SLC22A13: variants seen among roughly 807,000 people sequenced by gnomAD.
The protein encoded by SLC22A13 is organic anion transporter 10.
Under a neutral mutation model 49.1 loss-of-function variants are expected in SLC22A13, and 42 were observed. The ratio of observed to expected loss-of-function variants is 0.85; its 90% CI spans 0.67 to 1.11. The LOEUF is 1.11. SLC22A13 is among the 50% of genes least tolerant of loss of function. SLC22A13 has a pLI of 0.00. For synonymous variants in SLC22A13, 282 were observed against 293.1 expected, an observed-to-expected ratio of 0.96 and a Z score of 0.39; for missense variants, 694 against 712.8, an observed-to-expected ratio of 0.97 and a Z score of 0.30.
At chr3:38,272,196 G>A (rs186484851) in intron 1 of SLC22A13, among the ~76,000 whole-genome samples, 1 of 152,194 alleles carries the variant, frequency 6.6e-6, no homozygotes, top group East Asian at 1.9e-4. Flanking sequence ...TGTTGACCAG[G>A]TGTGCCAGCC....
rs1559535545 is a variant in SLC22A13 at position 38,266,030 on chromosome 3, A to G, written c.170A>G (p.Asn57Ser). The change falls in exon 1 of 10, where the codon AAC (asparagine) becomes AGC (serine). Residue 57 changes from asparagine (N) to serine (S), a missense_variant. By Grantham distance (46) the Asn-to-Ser change is conservative. Transcript: ENST00000311856. ...CACTGTGCAGTGGCTTGGGTGAAGA[A>G]CCACACTTTCAACCTGAGTGCTGCT... Reference protein sequence around the residue: ...PHHCAVAWVKNHTFNLSAAEQ... With the variant: ...PHHCAVAWVKSHTFNLSAAEQ... 1.2e-6 allele frequency: 2 copies of G among 1,614,134 alleles called. No individual in the cohort carries two copies. The highest frequency in any genetic ancestry group is 1.7e-6 in the Non-Finnish European group (2 of 1,180,028).
At position 38,276,952 on chromosome 3, in the gene SLC22A13, G is replaced by A. The variant is rs971533292; in HGVS notation, c.1387G>A (p.Gly463Arg). 8.7e-6 allele frequency: 14 copies of A among 1,613,744 alleles called. No homozygotes were observed. The Middle Eastern group carries it at 6.6e-4, about 76-fold the overall frequency. Residue 463 changes from glycine (G) to arginine (R), a missense_variant, in exon 9 of 10, where the codon GGG becomes AGG. By Grantham distance (125) the Gly-to-Arg change is moderately radical. Coordinates refer to ENST00000311856, the MANE Select transcript of SLC22A13 (RefSeq NM_004256.4). ...GCTGGTGGGCATCTTCTCACGGATC[G>A]GGGGCATCCTCACACCACTTGTGAT... ...MGLVGIFSRI[G>R]GILTPLVILL...
intron 1 of SLC22A13, chr3:38,270,683 G>A (rs1355652017): frequency 6.1e-6 from 1 of 164,352 alleles, no homozygotes; most frequent in African/African-American, 2.4e-5. Context: ...TACATTTTCA[G>A]ATGTAAATTT....
chr3:38,267,297 C>T (rs781677394), intron 1 of SLC22A13, among the ~76,000 whole-genome samples: 2 of 152,108 alleles, frequency 1.3e-5, no homozygotes, highest in Non-Finnish European at 2.9e-5. Flanking sequence ...GCCTGTCCTT[C>T]TCCCAACTCT....
At position 38,278,674 on chromosome 3, in the gene SLC22A13, G is replaced by T. The variant is rs1703613625; in HGVS notation, c.*1209G>T. 6.6e-6 allele frequency among the ~76,000 whole-genome samples: 1 copy of T among 152,016 alleles called. No homozygotes were observed. The highest frequency in any genetic ancestry group is 1.5e-5 in the Non-Finnish European group (1 of 68,000). ...GTCTCTACTAAAAATACAAAAATTA[G>T]CCCTATATGGTGGTGCATGCCTGTA... On this transcript the variant is annotated 3_prime_UTR_variant, in exon 10 of 10. Transcript: ENST00000311856.
In SLC22A13 at chr3:38,276,018, T is replaced by C; in HGVS notation, c.1159T>C (p.Phe387Leu). Residue 387 changes from phenylalanine to leucine, a missense_variant, in exon 7 of 10, where the codon TTT becomes CTT. Phe to Leu is a conservative substitution (Grantham distance 22). Transcript: ENST00000311856. The part of the protein sequence containing the change: ...RCSSIFMMQR[F>L]GRKWSQLGTL... ...TTCCAGCATCTTCATGATGCAGAGGTTTGGCCGCAAGTGGAGCCAGTTGGG... is the reference window on the plus strand; with the variant it reads ...TTCCAGCATCTTCATGATGCAGAGGCTTGGCCGCAAGTGGAGCCAGTTGGG... 1 of 1,613,692 alleles carries C rather than the reference T, an allele frequency of 6.2e-7. No homozygotes were observed. The highest frequency in any genetic ancestry group is 8.5e-7 in the Non-Finnish European group (1 of 1,179,588).
Position 38,274,329 on chromosome 3 carries a change from G to T in SLC22A13, c.436G>T (p.Ala146Ser). 1 of 1,614,178 alleles carries T rather than the reference G, an allele frequency of 6.2e-7. No individual in the cohort carries two copies. The highest frequency in any genetic ancestry group is 8.5e-7 in the Non-Finnish European group (1 of 1,180,016). Residue 146 changes from alanine to serine, a missense_variant, in exon 2 of 10, where the codon GCT (alanine) becomes TCT (serine). By Grantham distance (99) the Ala-to-Ser change is moderately conservative. Coordinates refer to ENST00000311856, the MANE Select transcript of SLC22A13 (RefSeq NM_004256.4). ...GGACACCACACAGTCAGTGTTCATG[G>T]CTGGGCTCCTTGTTGGCACCCTCAT... ...LKDTTQSVFM[A>S]GLLVGTLMFG...
chr3:38,276,156 A>G (rs1703581236), intron 7 of SLC22A13, 60 bp downstream of exon 7: 2 of 1,516,826 alleles, frequency 1.3e-6, no homozygotes, highest in Non-Finnish European at 1.8e-6. Flanking sequence ...GCCAGGGGCT[A>G]GACCAGTGGC....
At chr3:38,268,549 T>G (rs1191888154) in intron 1 of SLC22A13, among the ~76,000 whole-genome samples, 3 of 152,250 alleles carry the variant, frequency 2.0e-5, no homozygotes, top group Non-Finnish European at 4.4e-5. Flanking sequence ...TTTTTCAGAT[T>G]ATGAACTCAC....
chr3:38,276,228 T>A (rs1703582203), intron 7 of SLC22A13, 59 bp from the exon 8 acceptor site: 2 of 1,513,276 alleles, frequency 1.3e-6, no homozygotes, highest in Non-Finnish European at 1.8e-6. Context: ...GGGTGGGGAG[T>A]TCCAGTGGAT....
intron 6 of SLC22A13, 49 bp downstream of exon 6, chr3:38,275,721 G>C (rs778077773): frequency 1.9e-6 from 3 of 1,579,250 alleles, no homozygotes; most frequent in Non-Finnish European, 2.6e-6. Context: ...CAGCCTCCCT[G>C]GTGTGTGTTG....
rs772543640 is a variant in SLC22A13 at position 38,275,501 on chromosome 3, C to G, written c.927+11C>G. ...GAGCTCATGAACCAGGTACTTCCAG[C>G]AGGCCCAGGCCCAGGCCCAGAATCA... On this transcript the variant is annotated intron_variant, in intron 5 of 9. Coordinates refer to ENST00000311856, the MANE Select transcript of SLC22A13 (RefSeq NM_004256.4). 1 of 1,613,988 alleles carries G rather than the reference C, an allele frequency of 6.2e-7. No homozygotes were observed. The highest frequency in any genetic ancestry group is 1.1e-5 in the South Asian group (1 of 91,076).
At chr3:38,273,614 A>G (rs1360902366) in intron 1 of SLC22A13, among the ~76,000 whole-genome samples, 2 of 152,188 alleles carry the variant, frequency 1.3e-5, no homozygotes, top group Non-Finnish European at 2.9e-5. Flanking sequence ...GCAGCAATTA[A>G]TGATTTGTCA....
chr3:38,274,819 C>A (rs992005799), intron 3 of SLC22A13, 61 bp downstream of exon 3: 3 of 1,567,354 alleles, frequency 1.9e-6, no homozygotes, highest in Non-Finnish European at 2.6e-6. Context: ...CTGGGAGGGC[C>A]ACAGCCCCAA....
intron 2 of SLC22A13, 54 bp from the exon 3 acceptor site, chr3:38,274,547 TCTC>T (rs1703554847): frequency 1.3e-6 from 2 of 1,584,452 alleles, no homozygotes; most frequent in East Asian, 2.2e-5. Context: ...CTTGCGGCCT[TCTC>T]CTCAGATGCC....
In SLC22A13 at chr3:38,275,943, G is replaced by T. The variant is rs140619609; in HGVS notation, c.1084G>T (p.Val362Phe). The change falls in exon 7 of 10, where the codon GTC (valine) becomes TTC (phenylalanine). Residue 362 changes from valine (V) to phenylalanine (F), a missense_variant. Physicochemically the swap from Val to Phe is conservative, Grantham distance 50. Transcript: ENST00000311856. ...SLQVGDFGLD[V>F]YLTQLIFGAV... ...CCAAGTGGGGGACTTCGGCCTGGAC[G>T]TCTATCTGACGCAGCTCATCTTTGG... The T allele has an allele frequency of 1.1e-5, 18 of 1,614,130 alleles. No individual in the cohort carries two copies. The highest frequency in any genetic ancestry group is 6.7e-5 in the Admixed American group (4 of 60,008).
chr3:38,275,024 G>T lies in SLC22A13; in HGVS notation c.673G>T (p.Ala225Ser). Residue 225 changes from alanine to serine, a missense_variant, in exon 4 of 10, where the codon GCC becomes TCC. By Grantham distance (99) the Ala-to-Ser change is moderately conservative. Coordinates refer to ENST00000311856, the MANE Select transcript of SLC22A13 (RefSeq NM_004256.4). ...EWVGPSWRTQ[A>S]VVLAQCNFSL... ...GGTGGGGCCCTCATGGAGGACGCAGGCCGTGGTCCTGGCCCAGTGCAACTT... is the reference window on the plus strand; with the variant it reads ...GGTGGGGCCCTCATGGAGGACGCAGTCCGTGGTCCTGGCCCAGTGCAACTT... 6.2e-7 allele frequency: 1 copy of T among 1,614,242 alleles called. No individual in the cohort carries two copies. Among genetic ancestry groups the T allele is most frequent in the Non-Finnish European group, 8.5e-7 (1 of 1,180,022 alleles).
chr3:38,268,488 C>A (rs1322197795), intron 1 of SLC22A13, among the ~76,000 whole-genome samples: 1 of 152,240 alleles, frequency 6.6e-6, no homozygotes, highest in Admixed American at 6.5e-5. Flanking sequence ...GTCACACACT[C>A]TTAAGCTGCA....
At chr3:38,271,934 G>A (rs1459921029) in intron 1 of SLC22A13, among the ~76,000 whole-genome samples, 1 of 152,184 alleles carries the variant, frequency 6.6e-6, no homozygotes, top group Non-Finnish European at 1.5e-5. Flanking sequence ...GACCACCATG[G>A]CAGGCTGCAG....
Sources: gnomAD v4.1 joint callset for allele counts (sites outside exome capture counted in the v4.1 genomes callset) on GRCh38, gnomAD v4.1.1 for gene constraint, MANE v1.5 for transcripts, NCBI Gene and HGNC (gene_info 2026-07-23, HGNC 2026-07-21) for gene names.